HS3ST4: variants seen among roughly 807,000 people sequenced by gnomAD.
HS3ST4 encodes heparan sulfate glucosamine 3-O-sulfotransferase 4.
A neutral mutation model predicts 29.2 loss-of-function variants in HS3ST4; 17 were observed. The ratio of observed to expected loss-of-function variants is 0.58; its 90% CI spans 0.40 to 0.87. The LOEUF is 0.87. Ranked by LOEUF, HS3ST4 falls within the 40% of genes least tolerant of loss-of-function variation. The pLI is 0.00. For missense variants in HS3ST4, 627 were observed against 634.5 expected, an observed-to-expected ratio of 0.99 and a Z score of 0.13; for synonymous variants, 314 against 285.7, an observed-to-expected ratio of 1.10 and a Z score of -1.00.
At chr16:25,973,980 C>T (rs527245300) in intron 1 of HS3ST4, among the ~76,000 whole-genome samples, 23 of 152,182 alleles carry the variant, frequency 1.5e-4, no homozygotes, top group Non-Finnish European at 2.6e-4. Flanking sequence ...AATGTCTGTA[C>T]GTCTGCATGA....
At chr16:25,791,255 G>A (rs1483853003) in intron 1 of HS3ST4, among the ~76,000 whole-genome samples, 1 of 152,062 alleles carries the variant, frequency 6.6e-6, no homozygotes, top group African/African-American at 2.4e-5. Flanking sequence ...CTATTTTTCT[G>A]ACTTTGAGCC....
rs1247857149 is a variant in HS3ST4 at position 25,692,156 on chromosome 16, AG to A, written c.-254del. 12 of 127,142 alleles carry A rather than the reference AG, an allele frequency of 9.4e-5. 1 individual carries two copies. The highest frequency in any genetic ancestry group is 5.2e-4 in the East Asian group (2 of 3,810). The allele number at this position is 127,142 out of a possible 1,614,324, so 7.9% of individuals were successfully genotyped here. A position where few individuals can be genotyped will look rare whatever the true frequency, so the allele number is the denominator to read the frequency against. ...CCCTCGGTCCCCTTGCCTGAGGCTGAGGGGGGGGCGGTGGTGGGGGGGCCAC... is the reference window on the plus strand; with the variant it reads ...CCCTCGGTCCCCTTGCCTGAGGCTGAGGGGGGGCGGTGGTGGGGGGGCCAC... On this transcript the variant is annotated 5_prime_UTR_variant, in exon 1 of 2. Coordinates refer to ENST00000331351, the MANE Select transcript of HS3ST4 (RefSeq NM_006040.3).
chr16:25,978,949 T>TTG (rs1057410527), intron 1 of HS3ST4, among the ~76,000 whole-genome samples: 1 of 149,666 alleles, frequency 6.7e-6, no homozygotes, highest in African/African-American at 2.5e-5. Flanking sequence ...TTTGTTTTTT[T>TTG]TTTTTTTTGA....
intron 1 of HS3ST4, among the ~76,000 whole-genome samples, chr16:25,742,172 C>T (rs1369775111): frequency 2.0e-5 from 3 of 152,184 alleles, no homozygotes; most frequent in African/African-American, 7.2e-5. Flanking sequence ...AAATCCACAT[C>T]CCCCACCTCA....
chr16:25,831,030 C>G (rs12599932), intron 1 of HS3ST4, among the ~76,000 whole-genome samples: 51,158 of 152,048 alleles, frequency 0.34, 8,768 homozygotes, highest in East Asian at 0.48. Context: ...TGCACTTCAG[C>G]CACCTGACTT....
intron 1 of HS3ST4, among the ~76,000 whole-genome samples, chr16:26,012,912 C>A (rs2141741166): frequency 6.6e-6 from 1 of 152,270 alleles, no homozygotes; most frequent in African/African-American, 2.4e-5. Context: ...CGCCTGTAAT[C>A]CCAGCACTTT....
At chr16:25,787,594 G>C (rs756292047) in intron 1 of HS3ST4, among the ~76,000 whole-genome samples, 1 of 152,194 alleles carries the variant, frequency 6.6e-6, no homozygotes, top group Non-Finnish European at 1.5e-5. Context: ...GGATGCAGAT[G>C]GTCTGGGTCA....
chr16:25,798,974 C>T (rs1470328541), intron 1 of HS3ST4, among the ~76,000 whole-genome samples: 2 of 152,156 alleles, frequency 1.3e-5, no homozygotes, highest in Non-Finnish European at 2.9e-5. Context: ...CTCTAATGGG[C>T]AAATAAAGAC....
At chr16:26,026,684 C>T (rs546296343) in intron 1 of HS3ST4, among the ~76,000 whole-genome samples, 1 of 152,164 alleles carries the variant, frequency 6.6e-6, no homozygotes, top group Admixed American at 6.5e-5. Context: ...GATTTCTGCT[C>T]ATGTCATTTC....
chr16:25,717,179 C>T (rs1307863943), intron 1 of HS3ST4, among the ~76,000 whole-genome samples: 2 of 152,318 alleles, frequency 1.3e-5, no homozygotes, highest in East Asian at 3.9e-4. Context: ...TACTTTTAAT[C>T]TCCGTGCCTT....
intron 1 of HS3ST4, among the ~76,000 whole-genome samples, chr16:25,860,925 G>T (rs1319003596): frequency 2.0e-5 from 3 of 152,162 alleles, no homozygotes; most frequent in African/African-American, 7.2e-5. Context: ...GCACCATGCT[G>T]CTGGGGGATG....
At chr16:26,090,281 A>T (rs1465751807) in intron 1 of HS3ST4, among the ~76,000 whole-genome samples, 1 of 151,974 alleles carries the variant, frequency 6.6e-6, no homozygotes, top group African/African-American at 2.4e-5. Flanking sequence ...TGAGATTAAG[A>T]GTTGGCAGAT....
chr16:26,118,049 T>G (rs938064181), intron 1 of HS3ST4, among the ~76,000 whole-genome samples: 2 of 152,086 alleles, frequency 1.3e-5, no homozygotes, highest in African/African-American at 4.8e-5. Context: ...GGTAGAATGG[T>G]CACAGAAAGT....
At chr16:25,812,741 AC>A (rs1232445609) in intron 1 of HS3ST4, among the ~76,000 whole-genome samples, 1 of 148,776 alleles carries the variant, frequency 6.7e-6, no homozygotes, top group Non-Finnish European at 1.5e-5. Flanking sequence ...TTTTGCTGTT[AC>A]CCAAGCTGGA....
intron 1 of HS3ST4, among the ~76,000 whole-genome samples, chr16:25,712,722 T>C (rs1966424915): frequency 6.6e-6 from 1 of 152,122 alleles, no homozygotes; most frequent in Non-Finnish European, 1.5e-5. Context: ...GAAAGATTGA[T>C]GGATTTGCAC....
intron 1 of HS3ST4, among the ~76,000 whole-genome samples, chr16:25,978,726 C>T (rs1229391046): frequency 6.6e-6 from 1 of 152,180 alleles, no homozygotes. Context: ...CAAGTCACAG[C>T]ATTCTTTTTA....
chr16:25,725,169 A>T (rs1462466749), intron 1 of HS3ST4, among the ~76,000 whole-genome samples: 1 of 151,954 alleles, frequency 6.6e-6, no homozygotes, highest in Non-Finnish European at 1.5e-5. Flanking sequence ...TGCTTCTCTA[A>T]ATGCATGGGC....
chr16:26,021,312 C>T (rs1257859017), intron 1 of HS3ST4, among the ~76,000 whole-genome samples: 1 of 152,188 alleles, frequency 6.6e-6, no homozygotes, highest in Non-Finnish European at 1.5e-5. Context: ...CACACTGGAC[C>T]TGCATTCCTG....
intron 1 of HS3ST4, among the ~76,000 whole-genome samples, chr16:25,880,381 C>G (rs1183397112): frequency 2.0e-5 from 3 of 152,112 alleles, no homozygotes; most frequent in Non-Finnish European, 4.4e-5. Flanking sequence ...CTCAGAGTGG[C>G]AGATGCAAAT....
Sources: gnomAD v4.1 joint callset for allele counts (sites outside exome capture counted in the v4.1 genomes callset) on GRCh38, gnomAD v4.1.1 for gene constraint, MANE v1.5 for transcripts, NCBI Gene and HGNC (gene_info 2026-07-23, HGNC 2026-07-21) for gene names.